The following PCDHA4 variants were observed in gnomAD, a reference collection of about 807,000 sequenced individuals.
PCDHA4 encodes protocadherin alpha 4.
Under a neutral mutation model 61.4 loss-of-function variants are expected in PCDHA4, and 49 were observed. The observed-to-expected ratio is 0.80, with a 90% confidence interval of 0.63 to 1.01. The LOEUF (loss-of-function observed/expected upper bound fraction) is 1.01, where lower values mean the gene tolerates loss of function less well. Among genes scored for constraint, PCDHA4 ranks in the 50% least tolerant of loss-of-function variants. PCDHA4 has a pLI of 0.00. For synonymous variants in PCDHA4, 590 were observed against 550.3 expected (o/e 1.07, Z -1.01); for missense variants, 1,254 against 1,235.8 (o/e 1.01, Z -0.22).
chr5:140,986,737 G>A (rs1183806071), intron 3 of PCDHA4, among the ~76,000 whole-genome samples: 1 of 152,192 alleles, frequency 6.6e-6, no homozygotes, highest in African/African-American at 2.4e-5. Flanking sequence ...CAAGACCCCA[G>A]GGGATCTGGG....
chr5:140,938,148 A>G (rs563866654), intron 1 of PCDHA4, among the ~76,000 whole-genome samples: 1 of 152,284 alleles, frequency 6.6e-6, no homozygotes, highest in African/African-American at 2.4e-5. Context: ...GTCTCACTAC[A>G]TTGCCCAGGC....
rs1387090858 is a variant in PCDHA4, at chr5:140,923,184, T to C, written c.2386-55765T>C. Reference sequence around the variant, plus strand: ...AGATAAATTTTTGTTCAGATGCATCTACTGCAGCAATTTGGGAGGCTAAGG... The same window carrying C: ...AGATAAATTTTTGTTCAGATGCATCCACTGCAGCAATTTGGGAGGCTAAGG... On this transcript the variant is annotated intron_variant, in intron 1 of 3. Transcript: ENST00000530339. Among the ~76,000 whole-genome samples the C allele has an allele frequency of 3.9e-5, 6 of 152,146 alleles. No homozygotes were observed. In the East Asian group the frequency reaches 1.2e-3, roughly 29 times the overall value.
chr5:141,000,422 T>TATATA (rs1491457105), intron 3 of PCDHA4, among the ~76,000 whole-genome samples: 1 of 51,852 alleles, frequency 1.9e-5, no homozygotes, highest in Non-Finnish European at 3.5e-5. Flanking sequence ...TATATATATA[T>TATATA]TTTTTTTTTT....
At chr5:140,941,634 T>G (rs2093133728) in intron 1 of PCDHA4, among the ~76,000 whole-genome samples, 1 of 152,074 alleles carries the variant, frequency 6.6e-6, no homozygotes, top group South Asian at 2.1e-4. Context: ...TCTTAATTTC[T>G]GTCTTCCTAC....
intron 3 of PCDHA4, among the ~76,000 whole-genome samples, chr5:140,997,288 T>C (rs1554255825): frequency 1.3e-5 from 2 of 152,222 alleles, no homozygotes; most frequent in African/African-American, 4.8e-5. Context: ...CACTTAACAA[T>C]GGGGATACAC....
rs201969686 is a variant in PCDHA4, at chr5:140,898,775, T to A, written c.2386-80174T>A. ...GATGGCATTGAATCTGTAAATTACC[T>A]TGGGCAGTATGGCCATTTTCACGAT... On this transcript the variant is annotated intron_variant, in intron 1 of 3. Coordinates refer to ENST00000530339, the MANE Select transcript of PCDHA4 (RefSeq NM_018907.4). 9.9e-4 allele frequency among the ~76,000 whole-genome samples: 151 copies of A among 152,312 alleles called. 1 individual carries two copies. The East Asian group carries it at 0.026, about 26-fold the overall frequency.
rs1554263792 is a variant in PCDHA4 at position 141,012,059 on chromosome 5, C to T, written c.*2122C>T. 1 of 153,718 alleles carries T rather than the reference C, an allele frequency of 6.5e-6. No individual in the cohort carries two copies. The highest frequency in any genetic ancestry group is 1.5e-5 in the Non-Finnish European group (1 of 68,036). The allele number at this position is 153,718 out of a possible 1,614,324, so 9.5% of individuals were successfully genotyped here. A position where few individuals can be genotyped will look rare whatever the true frequency, so the allele number is the denominator to read the frequency against. ...TGCATGGGGTAAAACTTGTTACCAA[C>T]ACATGTGAACCATTGCTACATTGTA... On this transcript the variant is annotated 3_prime_UTR_variant, in exon 4 of 4. Transcript: ENST00000530339.
At chr5:140,877,205 G>A in intron 1 of PCDHA4, 1 of 1,613,824 alleles carries the variant, frequency 6.2e-7, no homozygotes, top group South Asian at 1.1e-5. Flanking sequence ...GGCGCAGTTA[G>A]CGAGTTGGTA....
chr5:140,966,674 G>T, intron 1 of PCDHA4: 1 of 1,295,168 alleles, frequency 7.7e-7, no homozygotes, highest in Admixed American at 3.8e-5. Flanking sequence ...GGCGCAGGGT[G>T]GCACGAGCGG....
chr5:140,830,645 T>C, intron 1 of PCDHA4: 1 of 469,736 alleles, frequency 2.1e-6, no homozygotes, highest in Non-Finnish European at 3.4e-6. Context: ...CTTTGCTTCT[T>C]TAATATTCAT....
At chr5:140,867,855 G>A (rs1340065029) in intron 1 of PCDHA4, 1 of 152,094 alleles carries the variant, frequency 6.6e-6, no homozygotes, top group South Asian at 2.1e-4. Context: ...TAGTTGAATT[G>A]TTTGATTAAT....
rs1397274162 is a variant in PCDHA4, at chr5:140,845,104, T to G, written c.2385+35532T>G. 8.0e-5 allele frequency among the ~76,000 whole-genome samples: 12 copies of G among 149,722 alleles called. 2 individuals are homozygous for G. In the Admixed American group the frequency reaches 8.0e-4, roughly 10 times the overall value. On this transcript the variant is annotated intron_variant, in intron 1 of 3. Transcript: ENST00000530339. ...GTAGTTTATTTTACAGTTCTCTTAA[T>G]GCCTGTCCATGTTTAGCATTTTATT... is the stretch of plus-strand genomic sequence containing the variant.
intron 1 of PCDHA4, chr5:140,850,814 C>T: frequency 6.3e-7 from 1 of 1,598,286 alleles, no homozygotes; most frequent in South Asian, 1.1e-5. Context: ...TGGCCTTCAG[C>T]CCGGGCCTTT....
At chr5:140,815,769 A>G (rs990997775) in intron 1 of PCDHA4, 1 of 152,144 alleles carries the variant, frequency 6.6e-6, no homozygotes, top group African/African-American at 2.4e-5. Context: ...AGGCAAGTCT[A>G]ATTGTGATCA....
At chr5:140,954,577 A>T (rs1426426958) in intron 1 of PCDHA4, among the ~76,000 whole-genome samples, 2 of 151,954 alleles carry the variant, frequency 1.3e-5, no homozygotes, top group Non-Finnish European at 1.5e-5. Flanking sequence ...TTCTTTTCAG[A>T]AGTGTCTGTT....
intron 1 of PCDHA4, chr5:140,862,804 C>A: frequency 5.2e-6 from 3 of 574,138 alleles, no homozygotes; most frequent in Non-Finnish European, 6.7e-6. Context: ...GCTGGAGCTG[C>A]TGCAGTTCTA....
intron 1 of PCDHA4, among the ~76,000 whole-genome samples, chr5:140,899,785 A>C (rs1460475621): frequency 6.6e-6 from 1 of 152,166 alleles, no homozygotes; most frequent in African/African-American, 2.4e-5. Flanking sequence ...CTCTGGTATA[A>C]TTCGGCTGTG....
chr5:140,895,170 T>C (rs2064890754), intron 1 of PCDHA4, among the ~76,000 whole-genome samples: 1 of 152,176 alleles, frequency 6.6e-6, no homozygotes, highest in Admixed American at 6.5e-5. Flanking sequence ...TCCAATCTAT[T>C]TGTAGTCCCT....
At chr5:140,983,463 C>T (rs1554245464) in intron 3 of PCDHA4, among the ~76,000 whole-genome samples, 1 of 152,208 alleles carries the variant, frequency 6.6e-6, no homozygotes, top group Non-Finnish European at 1.5e-5. Flanking sequence ...AATAGAACAT[C>T]ATGATGATAA....
Sources: allele counts gnomAD v4.1 joint callset (sites outside exome capture counted in the v4.1 genomes callset), GRCh38; gene constraint gnomAD v4.1.1; transcripts MANE v1.5; gene names NCBI Gene and HGNC (gene_info 2026-07-23, HGNC 2026-07-21).